Variants in IL7 observed in about 807,000 individuals in gnomAD.
The protein encoded by IL7 is interleukin 7.
Under a neutral mutation model 21.6 loss-of-function variants are expected in IL7, and 3 were observed. That is an observed-to-expected ratio of 0.14 (90% CI 0.06 to 0.36). IL7 has a LOEUF of 0.36. Among genes scored for constraint, IL7 ranks in the 10% least tolerant of loss-of-function variants. The pLI, the probability that IL7 is intolerant of heterozygous loss-of-function variation, is 1.00. For synonymous variants in IL7, 62 were observed against 68.1 expected (o/e 0.91, Z 0.44); for missense variants, 175 against 200.2 (o/e 0.87, Z 0.76).
At chr8:78,770,287 C>A (rs993344423) in intron 2 of IL7, among the ~76,000 whole-genome samples, 1 of 152,152 alleles carries the variant, frequency 6.6e-6, no homozygotes, top group African/African-American at 2.4e-5. Flanking sequence ...GGGTCTAAGA[C>A]TGTGAACCCA....
At chr8:78,804,821 G>A in intron 1 of IL7, 92 bp downstream of exon 1, 1 of 1,464,164 alleles carries the variant, frequency 6.8e-7, no homozygotes, top group South Asian at 1.2e-5. Context: ...GCTATTCCCG[G>A]ACTTGCCTAG....
chr8:78,728,736 G>T (rs188074970), downstream of IL7, among the ~76,000 whole-genome samples: 1 of 151,904 alleles, frequency 6.6e-6, no homozygotes, highest in Non-Finnish European at 1.5e-5. Context: ...CAGTACTTGG[G>T]GGGAGGAGAT....
Position 78,805,037 on chromosome 8 carries a change from T to G in IL7, c.-115A>C. 8.7e-7 allele frequency: 1 copy of G among 1,151,568 alleles called. No individual in the cohort carries two copies. The highest frequency in any genetic ancestry group is 1.2e-6 in the Non-Finnish European group (1 of 805,972). 71.3% of individuals were successfully genotyped at this position (1,151,568 alleles called of 1,614,324 possible). On this transcript the variant is annotated 5_prime_UTR_variant, in exon 1 of 6. Coordinates refer to ENST00000263851, the MANE Select transcript of IL7 (RefSeq NM_000880.4). ...TTCCGCGGAGTTGCCGAGTCTGTGT[T>G]GGGCAGGGTGATCTCTGCAGCTGGT...
chr8:78,675,455 TGTA>T (rs901786624), downstream of IL7, among the ~76,000 whole-genome samples: 37 of 152,108 alleles, frequency 2.4e-4, no homozygotes, highest in African/African-American at 8.4e-4. Flanking sequence ...GTTCTTAAAA[TGTA>T]GTAATTTACC....
chr8:78,792,905 A>C (rs949425327), intron 2 of IL7, among the ~76,000 whole-genome samples: 1 of 152,154 alleles, frequency 6.6e-6, no homozygotes, highest in Admixed American at 6.6e-5. Context: ...ATAATCCAAC[A>C]ATTTGACTAC....
intron 2 of IL7, chr8:78,797,783 G>A (rs1813910691): frequency 8.6e-6 from 2 of 231,346 alleles, no homozygotes; most frequent in Admixed American, 1.0e-4. Flanking sequence ...TGGGAGGTGA[G>A]GAAATTTAGG....
At chr8:78,687,965 T>A (rs1249441396) in intron 3 of IL7, among the ~76,000 whole-genome samples, 1 of 144,594 alleles carries the variant, frequency 6.9e-6, no homozygotes, top group Non-Finnish European at 1.5e-5. Flanking sequence ...TCTATATTTA[T>A]ATATAAATAT....
At chr8:78,679,236 A>G (rs983346200) in intron 4 of IL7, 4 of 152,192 alleles carry the variant, frequency 2.6e-5, no homozygotes, top group African/African-American at 9.6e-5. Context: ...AACCAAAGCA[A>G]TGAATCTATT....
intron 2 of IL7, among the ~76,000 whole-genome samples, chr8:78,765,921 G>A (rs2130775417): frequency 6.6e-6 from 1 of 152,232 alleles, no homozygotes; most frequent in East Asian, 1.9e-4. Context: ...TGGAAGGAAT[G>A]AATATGTCCT....
At chr8:78,744,861 G>A (rs542012084) in intron 2 of IL7, among the ~76,000 whole-genome samples, 2 of 152,182 alleles carry the variant, frequency 1.3e-5, no homozygotes, top group Non-Finnish European at 2.9e-5. Flanking sequence ...TGGGAAGAGT[G>A]TGGTTTCCAG....
Position 78,738,621 on chromosome 8 carries a change from T to A in IL7, c.243A>T (p.Leu81Phe). Reference sequence around the variant, plus strand: ...GCCTCAACTTGCGAGCAGCACGGAATAAAAACATACCTTCCTATTATAGGA... The same window carrying A: ...GCCTCAACTTGCGAGCAGCACGGAAAAAAAACATACCTTCCTATTATAGGA... ...ICDANKEGMF[L>F]FRAARKLRQF... The change falls in exon 4 of 6, where the codon TTA becomes TTT. Residue 81 changes from leucine (L) to phenylalanine (F), a missense_variant. Physicochemically the swap from Leu to Phe is conservative, Grantham distance 22. Transcript: ENST00000263851. 1 of 1,613,584 alleles carries A rather than the reference T, an allele frequency of 6.2e-7. No individual in the cohort carries two copies. The highest frequency in any genetic ancestry group is 8.5e-7 in the Non-Finnish European group (1 of 1,179,688).
intron 3 of IL7, among the ~76,000 whole-genome samples, chr8:78,688,086 T>G (rs934130782): frequency 2.6e-5 from 4 of 151,066 alleles, no homozygotes; most frequent in African/African-American, 9.7e-5. Context: ...GGCCATACTT[T>G]GCGAAACCCT....
chr8:78,761,823 G>A (rs1301417338), intron 2 of IL7: 2 of 1,611,928 alleles, frequency 1.2e-6, no homozygotes, highest in Non-Finnish European at 8.5e-7. Flanking sequence ...AGTAGTGCCT[G>A]AAAGTTATCT....
intron 4 of IL7, among the ~76,000 whole-genome samples, chr8:78,684,970 A>G (rs929300428): frequency 6.6e-6 from 1 of 152,198 alleles, no homozygotes; most frequent in Admixed American, 6.5e-5. Flanking sequence ...TAAAAATTAG[A>G]CAAGTTGATT....
At chr8:78,770,378 C>T (rs2717543) in intron 2 of IL7, among the ~76,000 whole-genome samples, 42,305 of 151,858 alleles carry the variant, frequency 0.28, 7,901 homozygotes, top group African/African-American at 0.53. Flanking sequence ...AAAATAGAGG[C>T]TAACCTAATT....
intron 2 of IL7, among the ~76,000 whole-genome samples, chr8:78,773,758 C>T (rs1266600190): frequency 2.0e-5 from 3 of 152,096 alleles, no homozygotes; most frequent in Non-Finnish European, 4.4e-5. Context: ...GGGAAGTTCT[C>T]ATAATGTATT....
intron 4 of IL7, among the ~76,000 whole-genome samples, chr8:78,685,285 A>G (rs974794138): frequency 1.3e-5 from 2 of 152,270 alleles, no homozygotes; most frequent in Admixed American, 1.3e-4. Context: ...ATTTGATTCA[A>G]TTTGTCACTC....
At chr8:78,770,598 T>C (rs1007334182) in intron 2 of IL7, among the ~76,000 whole-genome samples, 3 of 152,138 alleles carry the variant, frequency 2.0e-5, no homozygotes, top group Admixed American at 6.6e-5. Flanking sequence ...TTATTATTTA[T>C]AGATTAGCTC....
intron 2 of IL7, among the ~76,000 whole-genome samples, chr8:78,755,774 A>C (rs1233437534): frequency 1.3e-5 from 2 of 152,068 alleles, no homozygotes; most frequent in Non-Finnish European, 2.9e-5. Flanking sequence ...TGTCATCTGC[A>C]AAGAGGGACA....
Sources: allele counts gnomAD v4.1 joint callset (sites outside exome capture counted in the v4.1 genomes callset), GRCh38; gene constraint gnomAD v4.1.1; transcripts MANE v1.5; gene names NCBI Gene and HGNC (gene_info 2026-07-23, HGNC 2026-07-21).